APOBR: variants seen among roughly 807,000 people sequenced by gnomAD.
APOBR encodes apolipoprotein B receptor, also known as apoB-48R.
A neutral mutation model predicts 88.5 loss-of-function variants in APOBR; 57 were observed. The observed-to-expected ratio is 0.64, with a 90% confidence interval of 0.52 to 0.80. APOBR has a LOEUF of 0.80. Ranked by LOEUF, APOBR falls within the 30% of genes least tolerant of loss-of-function variation. The pLI is 0.00. For missense variants in APOBR, 1,443 were observed against 1,401.6 expected (o/e 1.03, Z -0.47); for synonymous variants, 588 against 572.7 (o/e 1.03, Z -0.38).
In APOBR at chr16:28,497,589, G is replaced by A. The variant is rs750894693; in HGVS notation, c.2548G>A (p.Glu850Lys). The A allele has an allele frequency of 1.9e-6, 3 of 1,605,584 alleles. No individual in the cohort carries two copies. The Admixed American group carries it at 5.1e-5, about 27-fold the overall frequency. Residue 850 changes from glutamate (E) to lysine (K), a missense_variant, in exon 2 of 4, where the codon GAG becomes AAG. Transcript: ENST00000564831. ...AGAGGCCGAGGAATCTGCAGGCGCA[G>A]AGGACAGCTGTGGGCTGGATCCCGC... ...RVEAEESAGA[E>K]DSCGLDPAGS...
chr16:28,494,932 T>C, intron 1 of APOBR, 167 bp from the exon 2 acceptor site: 4 of 851,144 alleles, frequency 4.7e-6, no homozygotes. Flanking sequence ...CCATGCGTCC[T>C]CGTACCCCTA....
At position 28,495,156 on chromosome 16, in the gene APOBR, C is replaced by G; in HGVS notation, c.115C>G (p.Arg39Gly). ...GGGAGATGCAGTCCCCACTGTAGAG[C>G]GGGAGGCGCAGGCGGCTGAGGAACT... Reference protein sequence around the residue: ...LLGDAVPTVEREAQAAEELGV... With the variant: ...LLGDAVPTVEGEAQAAEELGV... Residue 39 changes from arginine (R) to glycine (G), a missense_variant, in exon 2 of 4, where the codon CGG becomes GGG. Arg to Gly is a moderately radical substitution (Grantham distance 125). Transcript: ENST00000564831. The G allele has an allele frequency of 1.3e-6, 2 of 1,567,060 alleles. No homozygotes were observed. Among genetic ancestry groups the G allele is most frequent in the Non-Finnish European group, 1.7e-6 (2 of 1,159,308 alleles).
In APOBR at chr16:28,498,454, T is replaced by C; in HGVS notation, c.3243T>C (p.Pro1081=). ...CCTCCAGGTTTGGCCTCGCGCACCCTGGCATGATGCAGGAGCTGCAAGCCC... is the reference window on the plus strand; with the variant it reads ...CCTCCAGGTTTGGCCTCGCGCACCCCGGCATGATGCAGGAGCTGCAAGCCC... The part of the protein sequence containing the change: ...PLGHGFGLAH[P]GMMQELQARL... The change falls in exon 4 of 4, where the codon CCT becomes CCC. Residue 1081 remains proline, a synonymous_variant. Coordinates refer to ENST00000564831, the MANE Select transcript of APOBR (RefSeq NM_018690.4). The C allele has an allele frequency of 6.2e-7, 1 of 1,603,452 alleles. No individual in the cohort carries two copies. The highest frequency in any genetic ancestry group is 1.7e-5 in the Admixed American group (1 of 58,342).
chr16:28,494,666 G>C lies in APOBR; in HGVS notation c.-16G>C, dbSNP rs1411351022. ...TCATTATCAGCTTTCTGGACACACA[G>C]ACAGAGACAGACAGGATGGACTTCC... On this transcript the variant is annotated 5_prime_UTR_variant, in exon 1 of 4. Coordinates refer to ENST00000564831, the MANE Select transcript of APOBR (RefSeq NM_018690.4). 4 of 1,610,384 alleles carry C rather than the reference G, an allele frequency of 2.5e-6. No individual in the cohort carries two copies. In the East Asian group the frequency reaches 8.9e-5, roughly 36 times the overall value.
Position 28,497,149 on chromosome 16 carries a change from T to A in APOBR, c.2108T>A (p.Leu703Gln), listed in dbSNP as rs1429548960. Residue 703 changes from leucine to glutamine, a missense_variant, in exon 2 of 4, where the codon CTG (leucine) becomes CAG (glutamine). Physicochemically the swap from Leu to Gln is moderately radical, Grantham distance 113. Transcript: ENST00000564831. The part of the protein sequence containing the change: ...GEASVSENQE[L>Q]DGSTGADAGP... ...GCATCTGTCTCAGAGAACCAGGAGC[T>A]GGACGGAAGCACAGGGGCAGACGCA... 1.9e-6 allele frequency: 3 copies of A among 1,606,296 alleles called. No homozygotes were observed. Among genetic ancestry groups the A allele is most frequent in the Non-Finnish European group, 2.5e-6 (3 of 1,176,912 alleles).
At position 28,494,676 on chromosome 16, in the gene APOBR, G is replaced by C. The variant is rs1371092275; in HGVS notation, c.-6G>C. On this transcript the variant is annotated 5_prime_UTR_variant, in exon 1 of 4. Coordinates refer to ENST00000564831, the MANE Select transcript of APOBR (RefSeq NM_018690.4). Reference sequence around the variant, plus strand: ...CTTTCTGGACACACAGACAGAGACAGACAGGATGGACTTCCTCCGGCTATA... The same window carrying C: ...CTTTCTGGACACACAGACAGAGACACACAGGATGGACTTCCTCCGGCTATA... 3 of 1,612,024 alleles carry C rather than the reference G, an allele frequency of 1.9e-6. No homozygotes were observed. The highest frequency in any genetic ancestry group is 3.3e-4 in the Middle Eastern group (2 of 6,052).
Position 28,496,500 on chromosome 16 carries a change from G to C in APOBR, c.1459G>C (p.Glu487Gln). Residue 487 changes from glutamate to glutamine, a missense_variant, in exon 2 of 4, where the codon GAG becomes CAG. Transcript: ENST00000564831. ...CAGGGCCGACCGGGCCAGGATGGAA[G>C]AGCTGGTACAGGCAGAGGAGGCCCA... ...GIRADRARMEELVQAEEAQEE... is the reference protein window; with the variant it reads ...GIRADRARMEQLVQAEEAQEE... The C allele has an allele frequency of 6.3e-7, 1 of 1,595,774 alleles. No individual in the cohort carries two copies. Among genetic ancestry groups the C allele is most frequent in the South Asian group, 1.1e-5 (1 of 88,188 alleles).
rs1293414374 is a variant in APOBR at position 28,498,294 on chromosome 16, C to T, written c.3169C>T (p.Pro1057Ser). Reference sequence around the variant, plus strand: ...GCTGGAGGAACCCCTGGAGCCAAGCCCTCTGAGGCATGATGGGACCCCGGT... The same window carrying T: ...GCTGGAGGAACCCCTGGAGCCAAGCTCTCTGAGGCATGATGGGACCCCGGT... ...LQLEEPLEPSPLRHDGTPVPA... is the reference protein window; with the variant it reads ...LQLEEPLEPSSLRHDGTPVPA... Residue 1057 changes from proline to serine, a missense_variant, in exon 3 of 4, where the codon CCT becomes TCT. Pro to Ser is a moderately conservative substitution (Grantham distance 74). Coordinates refer to ENST00000564831, the MANE Select transcript of APOBR (RefSeq NM_018690.4). 1 of 1,603,266 alleles carries T rather than the reference C, an allele frequency of 6.2e-7. No individual in the cohort carries two copies. Among genetic ancestry groups the T allele is most frequent in the Non-Finnish European group, 8.5e-7 (1 of 1,175,408 alleles).
intron 1 of APOBR, 59 bp from the exon 2 acceptor site, chr16:28,495,040 C>CA (rs1219648153): frequency 7.1e-7 from 1 of 1,414,462 alleles, no homozygotes; most frequent in Non-Finnish European, 9.3e-7. Flanking sequence ...CCAGGGCCCC[C>CA]AGGGAAAGGG....
Position 28,495,266 on chromosome 16 carries a change from C to A in APOBR, c.225C>A (p.Asn75Lys). 1.3e-6 allele frequency: 2 copies of A among 1,526,144 alleles called. No homozygotes were observed. The highest frequency in any genetic ancestry group is 1.8e-6 in the Non-Finnish European group (2 of 1,138,336). 94.5% of individuals were successfully genotyped at this position (1,526,144 alleles called of 1,614,324 possible). A position where few individuals can be genotyped will look rare whatever the true frequency, so the allele number is the denominator to read the frequency against. ...EDLEGLRGSQ[N>K]EGAGRLRGPG... ...TGGAGGGCCTTAGAGGCAGCCAAAA[C>A]GAGGGGGCTGGAAGGCTGAGAGGGC... Residue 75 changes from asparagine to lysine, a missense_variant, in exon 2 of 4, where the codon AAC becomes AAA. Asn to Lys is a moderately conservative substitution (Grantham distance 94). Transcript: ENST00000564831.
Position 28,495,894 on chromosome 16 carries a change from A to G in APOBR, c.853A>G (p.Thr285Ala). Reference sequence around the variant, plus strand: ...AATCTTAGGCAGAGAGGAGGCCAGGACAACCCCAGGTAGGGAAGAGGCCAG... The same window carrying G: ...AATCTTAGGCAGAGAGGAGGCCAGGGCAACCCCAGGTAGGGAAGAGGCCAG... ...WGILGREEAR[T>A]TPGREEARAI... The change falls in exon 2 of 4, where the codon ACA (threonine) becomes GCA (alanine). Residue 285 changes from threonine to alanine, a missense_variant. Transcript: ENST00000564831. 6.2e-7 allele frequency: 1 copy of G among 1,611,924 alleles called. No individual in the cohort carries two copies. The highest frequency in any genetic ancestry group is 8.5e-7 in the Non-Finnish European group (1 of 1,179,032).
In APOBR at chr16:28,497,895, C is replaced by T. The variant is rs2141733947; in HGVS notation, c.2854C>T (p.His952Tyr). 3 of 1,613,504 alleles carry T rather than the reference C, an allele frequency of 1.9e-6. No homozygotes were observed. The highest frequency in any genetic ancestry group is 2.5e-6 in the Non-Finnish European group (3 of 1,179,734). Residue 952 changes from histidine (H) to tyrosine (Y), a missense_variant, in exon 2 of 4, where the codon CAC becomes TAC. By Grantham distance (83) the His-to-Tyr change is moderately conservative. Coordinates refer to ENST00000564831, the MANE Select transcript of APOBR (RefSeq NM_018690.4). ...CAGGGGCCAGGAGGAGCAGCCAACA[C>T]ACCAGGCCCCTGCAGAAGCTGCGCC... Reference protein sequence around the residue: ...HVRGQEEQPTHQAPAEAAPES... With the variant: ...HVRGQEEQPTYQAPAEAAPES...
Position 28,497,429 on chromosome 16 carries a change from A to G in APOBR, c.2388A>G (p.Glu796=), listed in dbSNP as rs779555728. The change falls in exon 2 of 4, where the codon GAA becomes GAG. Residue 796 remains glutamate (E), a synonymous_variant. Coordinates refer to ENST00000564831, the MANE Select transcript of APOBR (RefSeq NM_018690.4). ...LGQGWDSKEK[E]EAAAGEHAGG... ...AAGGCTGGGACTCGAAAGAAAAGGA[A>G]GAGGCAGCAGCAGGAGAGCATGCAG... The G allele has an allele frequency of 1.2e-6, 2 of 1,613,748 alleles. No individual in the cohort carries two copies.
Position 28,495,549 on chromosome 16 carries a change from GAA to G in APOBR, c.509_510del (p.Glu170GlyfsTer67), listed in dbSNP as rs1234415383. 1 of 1,568,004 alleles carries G rather than the reference GAA, an allele frequency of 6.4e-7. No individual in the cohort carries two copies. The highest frequency in any genetic ancestry group is 8.6e-7 in the Non-Finnish European group (1 of 1,156,638). Reference sequence around the variant, plus strand: ...GTCCCATGAGCAGGAAGTGAACAGAGAAGAGAGGCTGAGAAGCTGGGAACAGG... The same window carrying G: ...GTCCCATGAGCAGGAAGTGAACAGAGGAGAGGCTGAGAAGCTGGGAACAGG... The part of the protein sequence containing the change: ...QESHEQEVNR[E>X]ERLRSWEQEE... On this transcript the variant is annotated frameshift_variant, in exon 2 of 4. Transcript: ENST00000564831. LOFTEE classifies it high-confidence loss of function.
At position 28,495,312 on chromosome 16, in the gene APOBR, G is replaced by A; in HGVS notation, c.271G>A (p.Glu91Lys). The change falls in exon 2 of 4, where the codon GAA becomes AAA. Residue 91 changes from glutamate (E) to lysine (K), a missense_variant. Transcript: ENST00000564831. ...LRGPGDDRRH[E>K]VGSSAVEQTW... ...AGGGCCTGGAGATGACAGAAGACAT[G>A]AAGTGGGGAGCTCAGCTGTAGAACA... 1 of 1,542,406 alleles carries A rather than the reference G, an allele frequency of 6.5e-7. No individual in the cohort carries two copies. Among genetic ancestry groups the A allele is most frequent in the Non-Finnish European group, 8.7e-7 (1 of 1,144,720 alleles).
rs376544257 is a variant in APOBR, at chr16:28,497,885, G to T, written c.2844G>T (p.Glu948Asp). Residue 948 changes from glutamate (E) to aspartate (D), a missense_variant, in exon 2 of 4, where the codon GAG becomes GAT. Transcript: ENST00000564831. The stretch of plus-strand genomic sequence containing the variant: ...TGGAACATGTCAGGGGCCAGGAGGA[G>T]CAGCCAACACACCAGGCCCCTGCAG... ...ESLEHVRGQE[E>D]QPTHQAPAEA... The T allele has an allele frequency of 1.2e-6, 2 of 1,613,304 alleles. No homozygotes were observed. Among genetic ancestry groups the T allele is most frequent in the Non-Finnish European group, 1.7e-6 (2 of 1,179,624 alleles).
rs1477991582 is a variant in APOBR at position 28,497,963 on chromosome 16, T to C, written c.2922T>C (p.Ser974=). The C allele has an allele frequency of 6.2e-7, 1 of 1,606,688 alleles. No individual in the cohort carries two copies. Among genetic ancestry groups the C allele is most frequent in the Admixed American group, 1.7e-5 (1 of 59,216 alleles). The change falls in exon 2 of 4, where the codon AGT becomes AGC. Residue 974 remains serine, a synonymous_variant. Coordinates refer to ENST00000564831, the MANE Select transcript of APOBR (RefSeq NM_018690.4). The part of the protein sequence containing the change: ...GEAETAEAMG[S]ARGGAANSWS... ...CCGAGACGGCTGAGGCCATGGGCAG[T>C]GCCAGAGGAGGTGCTGCCAACAGCT...
chr16:28,495,031 C>T, intron 1 of APOBR, 68 bp from the exon 2 acceptor site: 1 of 1,389,608 alleles, frequency 7.2e-7, no homozygotes, highest in Non-Finnish European at 9.5e-7. Flanking sequence ...CTCCTCCAGC[C>T]AGGGCCCCCA....
Position 28,498,768 on chromosome 16 carries a change from C to A in APOBR, c.*263C>A. The A allele has an allele frequency of 1.7e-6, 1 of 580,988 alleles. No homozygotes were observed. Among genetic ancestry groups the A allele is most frequent in the Non-Finnish European group, 3.1e-6 (1 of 324,462 alleles). 36.0% of individuals were successfully genotyped at this position (580,988 alleles called of 1,614,324 possible). A position where few individuals can be genotyped will look rare whatever the true frequency, so the allele number is the denominator to read the frequency against. On this transcript the variant is annotated 3_prime_UTR_variant, in exon 4 of 4. Transcript: ENST00000564831. ...CTCAGGGTGCCTGCCCTGGTTCCTC[C>A]CCAGCCTGAGTCAGCTGTCTGGACT... is the stretch of plus-strand genomic sequence containing the variant.
Sources: gnomAD v4.1 joint callset for allele counts on GRCh38, gnomAD v4.1.1 for gene constraint, MANE v1.5 for transcripts, NCBI Gene and HGNC (gene_info 2026-07-23, HGNC 2026-07-21) for gene names.